The following MGA variants were observed in gnomAD, a reference collection of about 807,000 sequenced individuals.
The protein encoded by MGA is MAX gene-associated protein.
MGA carries 40 observed loss-of-function variants against 261.1 expected under a neutral mutation model. The observed-to-expected ratio is 0.15, with a 90% CI of 0.12 to 0.20. The LOEUF (loss-of-function observed/expected upper bound fraction) is 0.20. Among genes scored for constraint, MGA ranks in the 10% least tolerant of loss-of-function variants. The pLI is 1.00. For missense variants in MGA, 3,397 were observed against 3,630.5 expected, an observed-to-expected ratio of 0.94 and a Z score of 1.65; for synonymous variants, 1,302 against 1,290.6, an observed-to-expected ratio of 1.01 and a Z score of -0.19.
In MGA at chr15:41,769,366, A is replaced by C. The variant is rs1482201802; in HGVS notation, c.*2086A>C. On this transcript the variant is annotated 3_prime_UTR_variant, in exon 24 of 24. Transcript: ENST00000219905. ...GTAATGATTCTTGATTGGAGATACC[A>C]TTTGACTCTTGATGAGAGTTGTACG... The C allele has an allele frequency of 8.2e-5, 12 of 145,734 alleles. 1 individual carries two copies. Among genetic ancestry groups the C allele is most frequent in the Non-Finnish European group, 1.5e-5 (1 of 67,142 alleles). 9.0% of individuals were successfully genotyped at this position (145,734 alleles called of 1,614,324 possible). A position where few individuals can be genotyped will look rare whatever the true frequency, so the allele number is the denominator to read the frequency against.
intron 19 of MGA, chr15:41,759,988 GA>G: frequency 4.7e-6 from 1 of 212,214 alleles, no homozygotes; most frequent in Non-Finnish European, 9.7e-6. Flanking sequence ...TTTGTATCAT[GA>G]AAACAAGTTT....
At chr15:41,760,197 G>A in intron 19 of MGA, 126 bp from the exon 20 acceptor site, 1 of 812,998 alleles carries the variant, frequency 1.2e-6, no homozygotes, top group Non-Finnish European at 2.0e-6. Context: ...ATGACCAATT[G>A]AGAGGCTGTT....
intron 9 of MGA, among the ~76,000 whole-genome samples, chr15:41,724,029 G>A (rs889931032): frequency 1.3e-5 from 2 of 151,156 alleles, no homozygotes; most frequent in Non-Finnish European, 2.9e-5. Flanking sequence ...AGGAAAAGAT[G>A]AAAAGGGACC....
intron 7 of MGA, among the ~76,000 whole-genome samples, chr15:41,708,411 A>C (rs957835619): frequency 6.6e-6 from 1 of 152,026 alleles, no homozygotes; most frequent in Non-Finnish European, 1.5e-5. Context: ...TCCACCTCCC[A>C]GGTTCAAGAG....
rs370520317 is a variant in MGA, at chr15:41,762,535, C to A, written c.7744+173C>A. Among the ~76,000 whole-genome samples, 17 of 117,536 alleles carry A rather than the reference C, an allele frequency of 1.4e-4. No individual in the cohort carries two copies. In the East Asian group the frequency reaches 3.8e-3, roughly 26 times the overall value. 77.1% of individuals were successfully genotyped at this position (117,536 alleles called of 152,430 possible). ...CAGGCTGCAGTTGCAGTGATGTGAT[C>A]TCAGCTCATTGCAACCTCCACCTCC... On this transcript the variant is annotated intron_variant, in intron 22 of 23. Transcript: ENST00000219905.
chr15:41,761,915 G>A (rs1161543893), intron 21 of MGA, 65 bp downstream of exon 21: 3 of 1,263,924 alleles, frequency 2.4e-6, no homozygotes, highest in Non-Finnish European at 3.3e-6. Context: ...GAAATCCTCA[G>A]TAGATCTTTC....
chr15:41,667,958 C>T (rs566399927), intron 1 of MGA, among the ~76,000 whole-genome samples: 1 of 152,014 alleles, frequency 6.6e-6, no homozygotes, highest in East Asian at 1.9e-4. Flanking sequence ...CGTGCACCAC[C>T]ACACCAGGCT....
At chr15:41,683,270 G>A (rs1023298378) in intron 2 of MGA, among the ~76,000 whole-genome samples, 2 of 152,050 alleles carry the variant, frequency 1.3e-5, no homozygotes, top group African/African-American at 2.4e-5. Context: ...CCAGGCTGGA[G>A]TGCTGGGACA....
chr15:41,698,434 G>A (rs2059661755), intron 3 of MGA, among the ~76,000 whole-genome samples: 1 of 152,098 alleles, frequency 6.6e-6, no homozygotes, highest in Admixed American at 6.6e-5. Flanking sequence ...CAAAGTGCTG[G>A]GATTATAGGC....
chr15:41,708,165 A>T lies in MGA; in HGVS notation c.2382A>T (p.Gly794=). 1.2e-6 allele frequency: 2 copies of T among 1,602,232 alleles called. No individual in the cohort carries two copies. Among genetic ancestry groups the T allele is most frequent in the Non-Finnish European group, 1.7e-6 (2 of 1,174,010 alleles). The change falls in exon 7 of 24, where the codon GGA becomes GGT. Residue 794 remains glycine (G), a synonymous_variant. Coordinates refer to ENST00000219905, the MANE Select transcript of MGA (RefSeq NM_001164273.2). ...CCAATGATTTCACTAAGATCAAGGG[A>T]TGGAGGGGAAAATTTCATAGTGCTT... is the stretch of plus-strand genomic sequence containing the variant.
intron 1 of MGA, among the ~76,000 whole-genome samples, chr15:41,625,593 A>T (rs1210372186): frequency 6.6e-6 from 1 of 152,108 alleles, no homozygotes; most frequent in Non-Finnish European, 1.5e-5. Context: ...ACATGCCTAT[A>T]GTCCTAGCTA....
intron 17 of MGA, 126 bp from the exon 18 acceptor site, chr15:41,754,311 A>G: frequency 1.3e-6 from 1 of 749,810 alleles, no homozygotes; most frequent in Non-Finnish European, 2.1e-6. Flanking sequence ...TCTTAGGATT[A>G]TCAGTACTCA....
At chr15:41,661,305 C>G (rs901721193) in intron 1 of MGA, among the ~76,000 whole-genome samples, 1 of 152,104 alleles carries the variant, frequency 6.6e-6, no homozygotes, top group Non-Finnish European at 1.5e-5. Flanking sequence ...TCTCTGCCCT[C>G]AGTGCAAGGT....
chr15:41,762,099 A>G (rs2063492939), intron 21 of MGA, 30 bp from the exon 22 acceptor site: 1 of 1,535,626 alleles, frequency 6.5e-7, no homozygotes, highest in Non-Finnish European at 8.9e-7. Context: ...CGTAATGCTG[A>G]AAGTGCTAAT....
intron 2 of MGA, among the ~76,000 whole-genome samples, chr15:41,670,544 C>G (rs530274883): frequency 2.6e-5 from 4 of 152,120 alleles, no homozygotes; most frequent in African/African-American, 9.7e-5. Flanking sequence ...CTCGCTCTGT[C>G]GCCCAGGCTG....
chr15:41,705,424 C>T (rs759512698), intron 5 of MGA, among the ~76,000 whole-genome samples: 10 of 151,922 alleles, frequency 6.6e-5, no homozygotes, highest in African/African-American at 9.7e-5. Flanking sequence ...TGCAGTGGCA[C>T]GATCATGGCT....
intron 19 of MGA, among the ~76,000 whole-genome samples, chr15:41,759,464 A>ATTTT (rs67238224): frequency 1.1e-5 from 1 of 94,610 alleles, no homozygotes; most frequent in Non-Finnish European, 2.1e-5. Context: ...GTGTGTGTGT[A>ATTTT]TTTTTTTTTT....
Position 41,727,304 on chromosome 15 carries a change from A to G in MGA, c.3555A>G (p.Pro1185=), listed in dbSNP as rs776127700. ...CTTCTGTCATTGAGCCTATGAAACC[A>G]TTGTTATTGCCTCAGCCAGAAGTTT... is the stretch of plus-strand genomic sequence containing the variant. The change falls in exon 10 of 24, where the codon CCA becomes CCG. Residue 1185 remains proline (P), a synonymous_variant. Transcript: ENST00000219905. 2 of 1,613,804 alleles carry G rather than the reference A, an allele frequency of 1.2e-6. No individual in the cohort carries two copies. Among genetic ancestry groups the G allele is most frequent in the African/African-American group, 1.3e-5 (1 of 74,890 alleles).
At chr15:41,720,505 A>C (rs1482357938) in intron 9 of MGA, among the ~76,000 whole-genome samples, 1 of 152,174 alleles carries the variant, frequency 6.6e-6, no homozygotes, top group Non-Finnish European at 1.5e-5. Flanking sequence ...ACTGCACTCC[A>C]GCCTGGGTGA....
Sources: allele counts gnomAD v4.1 joint callset (sites outside exome capture counted in the v4.1 genomes callset), GRCh38; gene constraint gnomAD v4.1.1; transcripts MANE v1.5; gene names NCBI Gene and HGNC (gene_info 2026-07-23, HGNC 2026-07-21).